RBPJ: variants seen among roughly 807,000 people sequenced by gnomAD.
RBPJ encodes recombination signal binding protein for immunoglobulin kappa J region.
In RBPJ, 9 loss-of-function variants were observed where a neutral mutation model predicts 67.8. The ratio of observed to expected loss-of-function variants is 0.13; its 90% CI spans 0.08 to 0.23. The LOEUF (loss-of-function observed/expected upper bound fraction) is 0.23, where lower values mean the gene tolerates loss of function less well. Ranked by LOEUF, RBPJ falls within the 10% of genes least tolerant of loss-of-function variation. The probability of loss-of-function intolerance (pLI) is 1.00; values close to 1 mark genes in which losing one functional copy is unlikely to be tolerated. For synonymous variants in RBPJ, 198 were observed against 203.3 expected (o/e 0.97, Z 0.22); for missense variants, 305 against 595.6 (o/e 0.51, Z 5.08).
chr4:26,381,263 G>T (rs1442046330), intron 1 of RBPJ, among the ~76,000 whole-genome samples: 1 of 151,946 alleles, frequency 6.6e-6, no homozygotes, highest in Non-Finnish European at 1.5e-5. Context: ...AGCAAATTAT[G>T]TGGTTTGGGA....
chr4:26,154,079 G>T, the RBPJ span, among the ~76,000 whole-genome samples: 11 of 152,174 alleles, frequency 7.2e-5, no homozygotes, highest in Non-Finnish European at 1.3e-4. Flanking sequence ...AAGAACTCCC[G>T]CTCAGCTGCT....
At chr4:26,201,074 C>G (rs1717965488) in intron 1 of RBPJ, among the ~76,000 whole-genome samples, 1 of 152,152 alleles carries the variant, frequency 6.6e-6, no homozygotes, top group South Asian at 2.1e-4. Flanking sequence ...TCTTTGGGGT[C>G]TCTCTACTCT....
At chr4:26,300,170 T>C (rs548659664) in intron 1 of RBPJ, among the ~76,000 whole-genome samples, 1 of 152,026 alleles carries the variant, frequency 6.6e-6, no homozygotes, top group East Asian at 1.9e-4. Context: ...ACTTGAATTT[T>C]GGGAGCCTTG....
intron 1 of RBPJ, among the ~76,000 whole-genome samples, chr4:26,175,383 G>T (rs192319856): frequency 3.3e-5 from 5 of 152,050 alleles, no homozygotes; most frequent in Admixed American, 6.6e-5. Context: ...GAGCTGGGGG[G>T]GGGATTTGAG....
At chr4:26,280,314 T>G (rs574665946) in intron 1 of RBPJ, among the ~76,000 whole-genome samples, 21 of 151,166 alleles carry the variant, frequency 1.4e-4, no homozygotes, top group Admixed American at 3.3e-4. Flanking sequence ...GAGAATTGCT[T>G]TAACCCAGGA....
intron 1 of RBPJ, among the ~76,000 whole-genome samples, chr4:26,381,402 A>G (rs78720241): frequency 0.024 from 3,641 of 152,146 alleles, 125 homozygotes; most frequent in African/African-American, 0.072. Context: ...TACAGGTAGG[A>G]AGCACCATGT....
chr4:26,420,798 A>T, intron 5 of RBPJ, 73 bp downstream of exon 5: 1 of 1,340,262 alleles, frequency 7.5e-7, no homozygotes, highest in Non-Finnish European at 1.0e-6. Context: ...TTAAATTAAA[A>T]ATTGCCTTTT....
chr4:26,152,781 G>C, the RBPJ span, among the ~76,000 whole-genome samples: 1 of 152,226 alleles, frequency 6.6e-6, no homozygotes, highest in Non-Finnish European at 1.5e-5. Flanking sequence ...AAGTTGAAAA[G>C]AGTGGAATGA....
chr4:26,262,995 C>T (rs1720589692), intron 1 of RBPJ, among the ~76,000 whole-genome samples: 1 of 152,118 alleles, frequency 6.6e-6, no homozygotes, highest in African/African-American at 2.4e-5. Flanking sequence ...CTTGAACTGT[C>T]TATTTCTATC....
At chr4:26,396,812 G>T (rs190134340) in intron 2 of RBPJ, among the ~76,000 whole-genome samples, 2 of 152,338 alleles carry the variant, frequency 1.3e-5, no homozygotes, top group Non-Finnish European at 1.5e-5. Flanking sequence ...AAAAAGAGAG[G>T]ATTGAAGTGA....
intron 1 of RBPJ, among the ~76,000 whole-genome samples, chr4:26,307,434 T>G (rs1722275042): frequency 6.6e-6 from 1 of 152,252 alleles, no homozygotes; most frequent in Admixed American, 6.5e-5. Flanking sequence ...CTAGATTCTG[T>G]GTTTCATTGC....
chr4:26,427,352 T>G (rs1393096003), intron 7 of RBPJ, among the ~76,000 whole-genome samples: 1 of 152,172 alleles, frequency 6.6e-6, no homozygotes. Flanking sequence ...ATGCTAAGCT[T>G]GAGGTGCCTG....
upstream of RBPJ, among the ~76,000 whole-genome samples, chr4:26,316,940 A>G (rs1722672851): frequency 2.2e-5 from 3 of 137,810 alleles, no homozygotes; most frequent in South Asian, 6.6e-4. Flanking sequence ...TAGTCCTAAT[A>G]TTGTTTTGAA....
chr4:26,279,338 T>TGGC (rs1359543374), intron 1 of RBPJ, among the ~76,000 whole-genome samples: 1 of 152,194 alleles, frequency 6.6e-6, no homozygotes. Flanking sequence ...TGGAGTGCAG[T>TGGC]GGCACAATCT....
At chr4:26,169,992 C>G (rs913150401) in intron 1 of RBPJ, among the ~76,000 whole-genome samples, 2 of 152,078 alleles carry the variant, frequency 1.3e-5, no homozygotes, top group African/African-American at 4.8e-5. Context: ...CTTTCCTTGA[C>G]CAGGAAAGGG....
chr4:26,250,054 G>A (rs1428627794), intron 1 of RBPJ, among the ~76,000 whole-genome samples: 1 of 151,156 alleles, frequency 6.6e-6, no homozygotes, highest in African/African-American at 2.4e-5. Context: ...CCAAAGTGCT[G>A]GGATTACAGG....
chr4:26,409,253 G>T (rs913837785), intron 3 of RBPJ, among the ~76,000 whole-genome samples: 1 of 152,016 alleles, frequency 6.6e-6, no homozygotes, highest in Admixed American at 6.6e-5. Flanking sequence ...TCCAGATAAG[G>T]TTCCTGTTTG....
chr4:26,389,275 T>C (rs994488754), intron 2 of RBPJ, among the ~76,000 whole-genome samples: 5 of 150,686 alleles, frequency 3.3e-5, no homozygotes, highest in African/African-American at 1.2e-4. Context: ...CCAGAAGCAC[T>C]TTATAATCAA....
chr4:26,305,631 A>C (rs1222709207), intron 1 of RBPJ, among the ~76,000 whole-genome samples: 1 of 152,046 alleles, frequency 6.6e-6, no homozygotes, highest in Non-Finnish European at 1.5e-5. Context: ...TTGTTTTCTT[A>C]GTTTAATTTT....
Sources: allele counts gnomAD v4.1 joint callset (sites outside exome capture counted in the v4.1 genomes callset), GRCh38; gene constraint gnomAD v4.1.1; transcripts MANE v1.5; gene names NCBI Gene and HGNC (gene_info 2026-07-23, HGNC 2026-07-21).